Variants in DYM observed in about 807,000 individuals in gnomAD.
The protein encoded by DYM is dymeclin.
DYM carries 78 observed loss-of-function variants against 93.1 expected under a neutral mutation model. The observed-to-expected ratio is 0.84, with a 90% CI of 0.70 to 1.01. The LOEUF (loss-of-function observed/expected upper bound fraction) is 1.01. Among genes scored for constraint, DYM ranks in the 50% least tolerant of loss-of-function variants. The pLI, the probability that DYM is intolerant of heterozygous loss-of-function variation, is 0.00. For missense variants in DYM, 789 were observed against 845.0 expected, an observed-to-expected ratio of 0.93 and a Z score of 0.82; for synonymous variants, 321 against 319.7, an observed-to-expected ratio of 1.00 and a Z score of -0.04.
intron 9 of DYM, among the ~76,000 whole-genome samples, chr18:49,285,874 C>T (rs1372618966): frequency 6.6e-6 from 1 of 152,198 alleles, no homozygotes; most frequent in Admixed American, 6.5e-5. Context: ...GGGCAGCCTG[C>T]CCCTTGTCTG....
intron 3 of DYM, among the ~76,000 whole-genome samples, chr18:49,381,926 A>C (rs1357498748): frequency 2.6e-5 from 4 of 152,078 alleles, no homozygotes; most frequent in African/African-American, 9.7e-5. Flanking sequence ...AAAAAAAAAA[A>C]GAATAGTTAA....
At chr18:49,080,152 G>GGGGC (rs1555742981) in intron 17 of DYM, among the ~76,000 whole-genome samples, 1 of 59,318 alleles carries the variant, frequency 1.7e-5, no homozygotes, top group Non-Finnish European at 5.3e-5. Context: ...CGGCTGGCCG[G>GGGGC]GGGGGGGCTG....
intron 10 of DYM, among the ~76,000 whole-genome samples, chr18:49,280,383 G>A (rs1375454696): frequency 6.6e-6 from 1 of 152,180 alleles, no homozygotes; most frequent in Non-Finnish European, 1.5e-5. Context: ...CAGAGTGGGT[G>A]GGATATTTGG....
At chr18:49,409,814 G>A (rs1309660270) in intron 2 of DYM, among the ~76,000 whole-genome samples, 1 of 152,134 alleles carries the variant, frequency 6.6e-6, no homozygotes, top group Non-Finnish European at 1.5e-5. Flanking sequence ...TTGGTCAATT[G>A]GTGTAGCAGG....
chr18:49,320,814 G>A (rs936222378), intron 8 of DYM, among the ~76,000 whole-genome samples: 4 of 152,004 alleles, frequency 2.6e-5, no homozygotes, highest in African/African-American at 7.3e-5. Flanking sequence ...AACTCTTACC[G>A]TTAGTCTTCG....
intron 3 of DYM, among the ~76,000 whole-genome samples, chr18:49,391,107 A>G (rs1191202720): frequency 6.6e-6 from 1 of 152,254 alleles, no homozygotes; most frequent in African/African-American, 2.4e-5. Flanking sequence ...TCCTGTAAAT[A>G]GTTGTCCTTA....
At position 49,333,771 on chromosome 18, in the gene DYM, A is replaced by G. The variant is rs569101521; in HGVS notation, c.577T>C (p.Leu193=). The G allele has an allele frequency of 1.2e-6, 2 of 1,614,082 alleles. No individual in the cohort carries two copies. Among genetic ancestry groups the G allele is most frequent in the Admixed American group, 1.7e-5 (1 of 60,026 alleles). Residue 193 remains leucine, a synonymous_variant, in exon 7 of 18, where the codon TTG becomes CTG. Transcript: ENST00000675505. ...LSCQLFHKEV[L]RQSISHKYLM... Reference sequence around the variant, plus strand: ...TACTTGTGGCTGATGCTCTGTCGCAAAACTTCTTTGTGGAAGAGTTGGCAG... The same window carrying G: ...TACTTGTGGCTGATGCTCTGTCGCAGAACTTCTTTGTGGAAGAGTTGGCAG...
chr18:49,193,519 C>T (rs1024500073), intron 14 of DYM, among the ~76,000 whole-genome samples: 2 of 152,174 alleles, frequency 1.3e-5, no homozygotes, highest in Admixed American at 1.3e-4. Flanking sequence ...AGTCACTCTT[C>T]GATTCCCATT....
chr18:49,215,806 G>C (rs973065411), intron 13 of DYM, among the ~76,000 whole-genome samples: 2 of 152,220 alleles, frequency 1.3e-5, no homozygotes, highest in Admixed American at 6.5e-5. Flanking sequence ...CCGGTCTACA[G>C]CTCCCAGAGT....
intron 14 of DYM, among the ~76,000 whole-genome samples, chr18:49,165,015 T>C (rs1424662901): frequency 6.6e-6 from 1 of 152,182 alleles, no homozygotes; most frequent in Non-Finnish European, 1.5e-5. Context: ...CCCAACCATG[T>C]GCAGTTTAAA....
chr18:49,448,396 C>G (rs1433858143), intron 1 of DYM, among the ~76,000 whole-genome samples: 1 of 152,170 alleles, frequency 6.6e-6, no homozygotes, highest in Non-Finnish European at 1.5e-5. Flanking sequence ...TCTAGCACAT[C>G]CCCTGCATTA....
chr18:49,108,504 G>A (rs1265565920), intron 16 of DYM, among the ~76,000 whole-genome samples: 2 of 152,192 alleles, frequency 1.3e-5, no homozygotes, highest in Non-Finnish European at 2.9e-5. Context: ...CGCTCACACT[G>A]GGAGCTGTAG....
At chr18:49,330,644 A>T (rs1171743935) in intron 8 of DYM, among the ~76,000 whole-genome samples, 1 of 152,216 alleles carries the variant, frequency 6.6e-6, no homozygotes, top group South Asian at 2.1e-4. Flanking sequence ...ACCCCAAAAA[A>T]ACCTCTAACC....
chr18:49,342,026 C>G (rs1044877247), intron 6 of DYM, among the ~76,000 whole-genome samples: 7 of 152,214 alleles, frequency 4.6e-5, no homozygotes, highest in African/African-American at 1.7e-4. Context: ...CAGTACAGGT[C>G]TCACGAGCCT....
rs550420142 is a variant in DYM at position 49,324,362 on chromosome 18, T to G, written c.763+7502A>C. ...TATGAAAATCTTTAATTGGCAAATT[T>G]TATAAACAAACTGTCAAGGCAAATA... is the stretch of plus-strand genomic sequence containing the variant. On this transcript the variant is annotated intron_variant, in intron 8 of 17. Transcript: ENST00000675505. Among the ~76,000 whole-genome samples, 517 of 152,254 alleles carry G rather than the reference T, an allele frequency of 3.4e-3. 3 individuals are homozygous for G. The highest frequency in any genetic ancestry group is 0.011 in the African/African-American group (457 of 41,546).
intron 15 of DYM, among the ~76,000 whole-genome samples, chr18:49,149,908 C>T (rs190987460): frequency 3.1e-4 from 47 of 152,040 alleles, no homozygotes; most frequent in African/African-American, 2.2e-4. Flanking sequence ...GGGGTTTCAC[C>T]GTGTTGGCCA....
chr18:49,255,107 T>C (rs2094364345), intron 13 of DYM, among the ~76,000 whole-genome samples: 1 of 152,156 alleles, frequency 6.6e-6, no homozygotes, highest in Admixed American at 6.5e-5. Flanking sequence ...TGTACTAAAT[T>C]CTGAAGATAA....
intron 14 of DYM, among the ~76,000 whole-genome samples, chr18:49,173,625 C>T (rs1468165296): frequency 6.6e-6 from 1 of 152,034 alleles, no homozygotes. Flanking sequence ...TATATGCTGA[C>T]AATAACAAAT....
chr18:49,254,062 G>C (rs184567472), intron 13 of DYM, among the ~76,000 whole-genome samples: 2 of 151,750 alleles, frequency 1.3e-5, no homozygotes, highest in Non-Finnish European at 2.9e-5. Flanking sequence ...GTTTTGCTTT[G>C]GTTTGTTGTA....
Sources: gnomAD v4.1 joint callset for allele counts (sites outside exome capture counted in the v4.1 genomes callset) on GRCh38, gnomAD v4.1.1 for gene constraint, MANE v1.5 for transcripts, NCBI Gene and HGNC (gene_info 2026-07-23, HGNC 2026-07-21) for gene names.